The following TAB2 variants were observed in gnomAD, a reference collection of about 807,000 sequenced individuals.
The protein encoded by TAB2 is TGF-beta-activated kinase 1 and MAP3K7-binding protein 2.
TAB2 carries 3 observed loss-of-function variants against 65.0 expected under a neutral mutation model. The observed-to-expected ratio is 0.05, with a 90% CI of 0.02 to 0.12. The LOEUF (loss-of-function observed/expected upper bound fraction) is 0.12. Among genes scored for constraint, TAB2 ranks in the 10% least tolerant of loss-of-function variants. TAB2 has a pLI of 1.00. For synonymous variants in TAB2, 298 were observed against 285.1 expected, an observed-to-expected ratio of 1.05 and a Z score of -0.46; for missense variants, 623 against 840.3, an observed-to-expected ratio of 0.74 and a Z score of 3.20.
chr6:149,339,597 ATTTATTTATTT>A (rs1394490477), intron 1 of TAB2, among the ~76,000 whole-genome samples: 444 of 35,780 alleles, frequency 0.012, 7 homozygotes, highest in Middle Eastern at 0.053. Context: ...TTATTTATTT[ATTTATTTATTT>A]TTTTTTTTTT....
At chr6:149,270,078 A>G (rs890758757) in intron 1 of TAB2, among the ~76,000 whole-genome samples, 4 of 152,222 alleles carry the variant, frequency 2.6e-5, no homozygotes, top group South Asian at 4.1e-4. Context: ...GAGAGTTCCA[A>G]TTGCTCCAAA....
At chr6:149,339,131 C>T (rs1212598602) in intron 1 of TAB2, among the ~76,000 whole-genome samples, 1 of 152,014 alleles carries the variant, frequency 6.6e-6, no homozygotes. Context: ...TTTGGGAGGC[C>T]GAGACGGGCG....
chr6:149,357,430 A>AAAACACACACAC, intron 1 of TAB2, among the ~76,000 whole-genome samples: 2 of 111,180 alleles, frequency 1.8e-5, no homozygotes, highest in African/African-American at 6.8e-5. Flanking sequence ...AGAAAAAAAA[A>AAAACACACACAC]ACACACACAC....
At chr6:149,242,298 T>C (rs928870143) in intron 1 of TAB2, among the ~76,000 whole-genome samples, 2 of 152,218 alleles carry the variant, frequency 1.3e-5, no homozygotes, top group African/African-American at 4.8e-5. Context: ...AATATCATAA[T>C]ACTCCCTTAA....
intron 1 of TAB2, among the ~76,000 whole-genome samples, chr6:149,257,846 A>G (rs1160374512): frequency 6.6e-6 from 1 of 152,022 alleles, no homozygotes; most frequent in East Asian, 1.9e-4. Flanking sequence ...AGTGAATGCA[A>G]CTCTAAGAAA....
At chr6:149,398,974 GTTAGAGGGGCAAA>G in intron 5 of TAB2, 117 bp from the exon 6 acceptor site, 1 of 772,866 alleles carries the variant, frequency 1.3e-6, no homozygotes, top group East Asian at 2.7e-5. Flanking sequence ...ATAATTCGAG[GTTAGAGGGGCAAA>G]ATAAATGAAA....
chr6:149,250,375 G>A (rs1410311594), intron 1 of TAB2, among the ~76,000 whole-genome samples: 1 of 151,666 alleles, frequency 6.6e-6, no homozygotes, highest in Non-Finnish European at 1.5e-5. Flanking sequence ...GCGCAATCTC[G>A]GCTCACTGCA....
chr6:149,389,285 A>G (rs2114919306), intron 3 of TAB2, among the ~76,000 whole-genome samples: 1 of 152,038 alleles, frequency 6.6e-6, no homozygotes, highest in South Asian at 2.1e-4. Context: ...TCTCTTTAGT[A>G]TTACCTTGAA....
At chr6:149,308,521 C>CTTAT (rs1168345387) in intron 1 of TAB2, among the ~76,000 whole-genome samples, 19 of 58,954 alleles carry the variant, frequency 3.2e-4, no homozygotes, top group South Asian at 4.7e-4. Flanking sequence ...TATTTATTTA[C>CTTAT]TTATTTATTT....
intron 1 of TAB2, chr6:149,220,905 C>T (rs1208347831): frequency 6.6e-6 from 1 of 152,214 alleles, no homozygotes; most frequent in African/African-American, 2.4e-5. Context: ...GCGTGAACCA[C>T]CATGCCTGGC....
At chr6:149,283,863 A>ATTT (rs1209345176) in intron 1 of TAB2, among the ~76,000 whole-genome samples, 1 of 152,138 alleles carries the variant, frequency 6.6e-6, no homozygotes, top group Non-Finnish European at 1.5e-5. Flanking sequence ...TTTTAAAAAC[A>ATTT]TTTTTAAAGT....
At chr6:149,294,024 A>C (rs924803848) in intron 1 of TAB2, among the ~76,000 whole-genome samples, 9 of 152,180 alleles carry the variant, frequency 5.9e-5, no homozygotes, top group African/African-American at 1.4e-4. Context: ...GCTAAAAAAA[A>C]CCCTAAGAAT....
At chr6:149,282,338 C>T (rs1583063341) in intron 1 of TAB2, among the ~76,000 whole-genome samples, 1 of 151,958 alleles carries the variant, frequency 6.6e-6, no homozygotes, top group Admixed American at 6.6e-5. Flanking sequence ...TTAACAATCC[C>T]TCTCAATAAT....
chr6:149,221,185 A>T (rs1298571823), intron 1 of TAB2: 1 of 152,194 alleles, frequency 6.6e-6, no homozygotes, highest in African/African-American at 2.4e-5. Flanking sequence ...CATGGCACTT[A>T]TATTAATATA....
chr6:149,254,007 AAAGAAAGAAAG>A (rs1244335171), intron 1 of TAB2, among the ~76,000 whole-genome samples: 1 of 145,220 alleles, frequency 6.9e-6, no homozygotes, highest in African/African-American at 2.6e-5. Context: ...AGAAAGAAAG[AAAGAAAGAAAG>A]AAAGAAAAGA....
intron 1 of TAB2, among the ~76,000 whole-genome samples, chr6:149,359,484 A>T (rs552053490): frequency 1.6e-4 from 24 of 152,234 alleles, no homozygotes; most frequent in African/African-American, 5.3e-4. Context: ...TGTGGCTTCT[A>T]TGTGGCAATG....
intron 6 of TAB2, among the ~76,000 whole-genome samples, chr6:149,408,146 G>A (rs11155651): frequency 0.24 from 35,890 of 146,546 alleles, 4,423 homozygotes; most frequent in Non-Finnish European, 0.26. Flanking sequence ...ATTTTACGTG[G>A]TAAAAAGTCA....
intron 1 of TAB2, among the ~76,000 whole-genome samples, chr6:149,281,579 A>AAAAAAC (rs1778575941): frequency 6.9e-6 from 1 of 144,502 alleles, no homozygotes; most frequent in Non-Finnish European, 1.5e-5. Context: ...AAAAAAAAAA[A>AAAAAAC]AACTTGATTA....
At chr6:149,311,747 A>G (rs1421442035) in intron 1 of TAB2, among the ~76,000 whole-genome samples, 1 of 46,614 alleles carries the variant, frequency 2.1e-5, no homozygotes, top group African/African-American at 6.2e-5. Flanking sequence ...TCAATATGCC[A>G]TGTTCTACAT....
Sources: allele counts gnomAD v4.1 joint callset (sites outside exome capture counted in the v4.1 genomes callset), GRCh38; gene constraint gnomAD v4.1.1; transcripts MANE v1.5; gene names NCBI Gene and HGNC (gene_info 2026-07-23, HGNC 2026-07-21).